The following DEUP1 variants were observed in gnomAD, a reference collection of about 807,000 sequenced individuals.
The protein encoded by DEUP1 is coiled-coil domain containing 67.
In DEUP1, 82 loss-of-function variants were observed where a neutral mutation model predicts 87.4. The observed-to-expected ratio is 0.94, with a 90% CI of 0.78 to 1.13. DEUP1 has a LOEUF of 1.13. DEUP1 is among the 50% of genes most tolerant of loss of function. The probability of loss-of-function intolerance (pLI) is 0.00; values close to 1 mark genes in which losing one functional copy is unlikely to be tolerated. For missense variants in DEUP1, 663 were observed against 681.5 expected (o/e 0.97, Z 0.30); for synonymous variants, 214 against 222.7 (o/e 0.96, Z 0.35).
At chr11:93,369,999 G>T in intron 5 of DEUP1, 74 bp from the exon 6 acceptor site, 2 of 670,244 alleles carry the variant, frequency 3.0e-6, no homozygotes, top group African/African-American at 1.9e-5. Context: ...ATGTACAAAT[G>T]AAAGAAGCCT....
chr11:93,408,699 A>G (rs1947351743), intron 12 of DEUP1, among the ~76,000 whole-genome samples: 1 of 152,222 alleles, frequency 6.6e-6, no homozygotes, highest in South Asian at 2.1e-4. Flanking sequence ...AAACATACAG[A>G]TAAGTAATTT....
At chr11:93,350,304 T>A (rs955394821) in intron 2 of DEUP1, among the ~76,000 whole-genome samples, 5 of 152,174 alleles carry the variant, frequency 3.3e-5, no homozygotes, top group African/African-American at 1.2e-4. Flanking sequence ...CACTGATGAC[T>A]GTATTCAGTA....
At chr11:93,392,606 G>C (rs1239073954) in intron 9 of DEUP1, among the ~76,000 whole-genome samples, 1 of 151,834 alleles carries the variant, frequency 6.6e-6, no homozygotes, top group Non-Finnish European at 1.5e-5. Context: ...ATACTGCCTA[G>C]ATACTTGATG....
chr11:93,392,938 TC>T (rs1384436176), intron 9 of DEUP1, among the ~76,000 whole-genome samples: 11 of 88,040 alleles, frequency 1.2e-4, no homozygotes, highest in Middle Eastern at 8.5e-3. Flanking sequence ...CTCCTCTTCC[TC>T]CTCCTCCTCC....
intron 6 of DEUP1, 110 bp downstream of exon 6, chr11:93,370,296 G>T: frequency 2.1e-6 from 1 of 483,638 alleles, no homozygotes; most frequent in Non-Finnish European, 3.6e-6. Flanking sequence ...AAGAAAAAAC[G>T]AGAGTAGGTC....
In DEUP1 at chr11:93,396,310, C is replaced by A. The variant is rs758848437; in HGVS notation, c.1311C>A (p.Asp437Glu). 2.2e-5 allele frequency: 34 copies of A among 1,566,562 alleles called. No homozygotes were observed. The highest frequency in any genetic ancestry group is 1.8e-5 in the Admixed American group (1 of 54,660). The change falls in exon 11 of 14, where the codon GAC becomes GAA. Residue 437 changes from aspartate (D) to glutamate (E), a missense_variant. By Grantham distance (45) the Asp-to-Glu change is conservative. Transcript: ENST00000298050. ...TAAAAGGAATGATGGGAGATTTAGA[C>A]CCCGGAGAATACATGGTAATATGCT... is the stretch of plus-strand genomic sequence containing the variant. Reference protein sequence around the residue: ...THLKGMMGDLDPGEYMSMDFT... With the variant: ...THLKGMMGDLEPGEYMSMDFT...
Position 93,371,134 on chromosome 11 carries a change from C to G in DEUP1, c.643C>G (p.Pro215Ala), listed in dbSNP as rs371287286. The change falls in exon 7 of 14, where the codon CCC (proline) becomes GCC (alanine). Residue 215 changes from proline to alanine, a missense_variant. Physicochemically the swap from Pro to Ala is conservative, Grantham distance 27 (BLOSUM62 -1). Transcript: ENST00000298050. ...EIPRLICDPD[P>A]NCEINERDEF... ...TCCTCGTTTGATATGTGACCCAGAT[C>G]CCAATTGTGAAATCAATGAAAGAGA... The G allele has an allele frequency of 4.3e-6, 7 of 1,613,004 alleles. No homozygotes were observed. Among genetic ancestry groups the G allele is most frequent in the Non-Finnish European group, 5.9e-6 (7 of 1,179,452 alleles).
intron 7 of DEUP1, chr11:93,383,525 G>A: frequency 1.6e-6 from 1 of 614,442 alleles, no homozygotes; most frequent in South Asian, 2.1e-5. Context: ...TGATGAAAAT[G>A]CTCTGGAATA....
chr11:93,433,182 T>A (rs890816201), intron 13 of DEUP1, among the ~76,000 whole-genome samples: 1 of 152,164 alleles, frequency 6.6e-6, no homozygotes, highest in Non-Finnish European at 1.5e-5. Context: ...CTAAAAAATT[T>A]TATTGAAAAC....
intron 11 of DEUP1, among the ~76,000 whole-genome samples, chr11:93,402,296 C>A (rs116893525): frequency 6.6e-6 from 1 of 151,706 alleles, no homozygotes. Flanking sequence ...AAATCAAAAC[C>A]GCAATCAGAT....
Position 93,355,548 on chromosome 11 carries a change from G to A in DEUP1, c.201+6G>A. The A allele has an allele frequency of 1.9e-6, 3 of 1,600,936 alleles. No individual in the cohort carries two copies. The highest frequency in any genetic ancestry group is 2.6e-6 in the Non-Finnish European group (3 of 1,173,490). On this transcript the variant is annotated splice_donor_region_variant and intron_variant, in intron 3 of 13. Transcript: ENST00000298050. ...TGGATCAGAAAGGTCAAGAGGTACT[G>A]AATACATATGTTAACAAATTGCTAA...
intron 7 of DEUP1, 63 bp from the exon 8 acceptor site, chr11:93,385,335 T>G: frequency 6.7e-7 from 1 of 1,482,850 alleles, no homozygotes; most frequent in Non-Finnish European, 9.3e-7. Flanking sequence ...TAAATATTTT[T>G]AAATGCATTG....
chr11:93,396,492 C>T (rs1473387752), intron 11 of DEUP1, 167 bp downstream of exon 11: 4 of 510,414 alleles, frequency 7.8e-6, no homozygotes, highest in Middle Eastern at 3.7e-4. Context: ...CAGGCTAGAA[C>T]ATTGGAATGT....
At chr11:93,343,026 T>C (rs1222262380) in intron 2 of DEUP1, among the ~76,000 whole-genome samples, 2 of 152,188 alleles carry the variant, frequency 1.3e-5, no homozygotes, top group African/African-American at 4.8e-5. Flanking sequence ...CCTCTGGCCA[T>C]CCTCTGGACA....
intron 13 of DEUP1, among the ~76,000 whole-genome samples, chr11:93,429,455 A>C (rs1012116315): frequency 6.6e-6 from 1 of 152,196 alleles, no homozygotes; most frequent in South Asian, 2.1e-4. Context: ...AAAGTTGCTA[A>C]ATACTCCACT....
intron 5 of DEUP1, among the ~76,000 whole-genome samples, chr11:93,367,697 A>C (rs1359550850): frequency 6.6e-6 from 1 of 152,190 alleles, no homozygotes; most frequent in Non-Finnish European, 1.5e-5. Flanking sequence ...TGCTAAATAA[A>C]TATTACTGAA....
At chr11:93,381,942 G>C (rs1946322726) in intron 7 of DEUP1, among the ~76,000 whole-genome samples, 1 of 151,954 alleles carries the variant, frequency 6.6e-6, no homozygotes, top group African/African-American at 2.4e-5. Flanking sequence ...TCAAAATCTG[G>C]TGTGTATTTT....
intron 2 of DEUP1, among the ~76,000 whole-genome samples, chr11:93,332,541 G>A (rs1288425487): frequency 1.3e-5 from 2 of 152,144 alleles, no homozygotes; most frequent in African/African-American, 4.8e-5. Context: ...ATCTAAGGGT[G>A]GTGGATGCGG....
rs113423670 is a variant in DEUP1, at chr11:93,389,958, C to T, written c.1041+833C>T. Among the ~76,000 whole-genome samples, 229 of 152,330 alleles carry T rather than the reference C, an allele frequency of 1.5e-3. 1 individual carries two copies. The highest frequency in any genetic ancestry group is 5.3e-3 in the African/African-American group (221 of 41,580). ...TACAAGGATGAGTAAGTCCTGGGCA[C>T]TGTCCTTAAAGAGCTTGTGGTTCTT... On this transcript the variant is annotated intron_variant, in intron 9 of 13. Coordinates refer to ENST00000298050, the MANE Select transcript of DEUP1 (RefSeq NM_181645.4).
Sources: allele counts gnomAD v4.1 joint callset (sites outside exome capture counted in the v4.1 genomes callset), GRCh38; gene constraint gnomAD v4.1.1; transcripts MANE v1.5; gene names NCBI Gene and HGNC (gene_info 2026-07-23, HGNC 2026-07-21).